Variants in HS6ST3 observed in about 807,000 individuals in gnomAD.
HS6ST3 encodes heparan-sulfate 6-O-sulfotransferase 3.
HS6ST3 carries 12 observed loss-of-function variants against 36.7 expected under a neutral mutation model. The observed-to-expected ratio is 0.33, with a 90% CI of 0.21 to 0.53. The LOEUF (loss-of-function observed/expected upper bound fraction) is 0.53, where lower values mean the gene tolerates loss of function less well. HS6ST3 is among the 20% of genes least tolerant of loss of function. HS6ST3 has a pLI of 0.95. For missense variants in HS6ST3, 584 were observed against 640.9 expected (o/e 0.91, Z 0.96); for synonymous variants, 240 against 257.5 (o/e 0.93, Z 0.65).
chr13:96,325,045 AG>A (rs2055023730), intron 1 of HS6ST3, among the ~76,000 whole-genome samples: 1 of 152,190 alleles, frequency 6.6e-6, no homozygotes, highest in Non-Finnish European at 1.5e-5. Context: ...ATCTAGAAAA[AG>A]TTTCCACCTA....
chr13:96,524,086 G>A (rs936594012), intron 1 of HS6ST3, among the ~76,000 whole-genome samples: 1 of 152,162 alleles, frequency 6.6e-6, no homozygotes, highest in Non-Finnish European at 1.5e-5. Context: ...ATTCCTTTCT[G>A]TTTGTTAGTT....
At chr13:96,795,466 C>G (rs1297884021) in intron 1 of HS6ST3, among the ~76,000 whole-genome samples, 1 of 152,032 alleles carries the variant, frequency 6.6e-6, no homozygotes, top group African/African-American at 2.4e-5. Flanking sequence ...CCATGTAGCT[C>G]ATCAGTGGCG....
intron 1 of HS6ST3, among the ~76,000 whole-genome samples, chr13:96,642,923 C>T (rs1231847531): frequency 6.6e-6 from 1 of 151,790 alleles, no homozygotes; most frequent in Non-Finnish European, 1.5e-5. Context: ...CTATTGATTG[C>T]TTTTTTCCCC....
At chr13:96,482,989 A>T (rs2138899281) in intron 1 of HS6ST3, among the ~76,000 whole-genome samples, 1 of 152,326 alleles carries the variant, frequency 6.6e-6, no homozygotes, top group Admixed American at 6.5e-5. Flanking sequence ...AGTGGTGTTT[A>T]TTGAGTACTT....
At chr13:96,410,687 T>C (rs1299940528) in intron 1 of HS6ST3, among the ~76,000 whole-genome samples, 2 of 152,192 alleles carry the variant, frequency 1.3e-5, no homozygotes, top group Admixed American at 1.3e-4. Context: ...TAACCATATT[T>C]AAATATAGTA....
At chr13:96,622,604 A>G (rs1454488457) in intron 1 of HS6ST3, among the ~76,000 whole-genome samples, 1 of 52,488 alleles carries the variant, frequency 1.9e-5, no homozygotes, top group East Asian at 5.1e-4. Context: ...ACAGCTTTTA[A>G]AACAATTACT....
intron 1 of HS6ST3, among the ~76,000 whole-genome samples, chr13:96,776,414 A>G (rs998587638): frequency 2.0e-5 from 3 of 152,190 alleles, no homozygotes; most frequent in African/African-American, 7.2e-5. Flanking sequence ...TGGTTTTTTG[A>G]AAAGATTAAC....
intron 1 of HS6ST3, among the ~76,000 whole-genome samples, chr13:96,683,818 C>G (rs1874687823): frequency 6.6e-6 from 1 of 151,972 alleles, no homozygotes; most frequent in African/African-American, 2.4e-5. Context: ...GTTTAATAAA[C>G]TTTGTGTTAA....
intron 1 of HS6ST3, among the ~76,000 whole-genome samples, chr13:96,682,007 G>T (rs1225360361): frequency 6.6e-6 from 1 of 152,070 alleles, no homozygotes; most frequent in Non-Finnish European, 1.5e-5. Context: ...TGGCTATATT[G>T]CTGCTGGAAG....
chr13:96,091,223 C>T lies in HS6ST3; in HGVS notation c.361C>T (p.Pro121Ser), dbSNP rs769443893. The change falls in exon 1 of 2, where the codon CCC becomes TCC. Residue 121 changes from proline (P) to serine (S), a missense_variant. By Grantham distance (74) the Pro-to-Ser change is moderately conservative. Around this residue, in one of 3 missense-constraint regions of HS6ST3, gnomAD observed 217 missense variants for 205.4 expected, o/e 1.06. Coordinates refer to ENST00000376705, the MANE Select transcript of HS6ST3 (RefSeq NM_153456.4). Reference sequence around the variant, plus strand: ...CGAGGCCCCGGAAAACGGCTCCCTGCCCCGATTCGTGCCGCGCTTCAACTT... The same window carrying T: ...CGAGGCCCCGGAAAACGGCTCCCTGTCCCGATTCGTGCCGCGCTTCAACTT... ...DPEAPENGSL[P>S]RFVPRFNFSL... 1.9e-6 allele frequency: 3 copies of T among 1,579,688 alleles called. No individual in the cohort carries two copies. The highest frequency in any genetic ancestry group is 2.6e-6 in the Non-Finnish European group (3 of 1,162,366).
At chr13:96,497,600 C>G (rs1329993989) in intron 1 of HS6ST3, among the ~76,000 whole-genome samples, 2 of 152,154 alleles carry the variant, frequency 1.3e-5, no homozygotes, top group African/African-American at 2.4e-5. Context: ...CTAATTCATT[C>G]ACCACAAGGC....
intron 1 of HS6ST3, among the ~76,000 whole-genome samples, chr13:96,728,338 G>A (rs1876056761): frequency 6.6e-6 from 1 of 152,136 alleles, no homozygotes; most frequent in Admixed American, 6.6e-5. Context: ...AGACTCATAT[G>A]TAGAATTCAG....
intron 1 of HS6ST3, among the ~76,000 whole-genome samples, chr13:96,291,134 A>G (rs184436431): frequency 2.6e-5 from 4 of 152,310 alleles, no homozygotes; most frequent in Admixed American, 2.0e-4. Flanking sequence ...CTAATATAAC[A>G]TACTGTGTAT....
chr13:96,166,672 A>G (rs11619967), intron 1 of HS6ST3, among the ~76,000 whole-genome samples: 3,843 of 146,106 alleles, frequency 0.026, 60 homozygotes, highest in East Asian at 0.056. Context: ...TTGGCCTCCC[A>G]AAGTGCTGGG....
chr13:96,784,632 A>C (rs1203405999), intron 1 of HS6ST3, among the ~76,000 whole-genome samples: 1 of 152,208 alleles, frequency 6.6e-6, no homozygotes, highest in Non-Finnish European at 1.5e-5. Flanking sequence ...AATGCATTTT[A>C]TGGCTCTTAT....
At chr13:96,242,328 G>T (rs1459619487) in intron 1 of HS6ST3, among the ~76,000 whole-genome samples, 2 of 151,386 alleles carry the variant, frequency 1.3e-5, no homozygotes, top group Non-Finnish European at 2.9e-5. Flanking sequence ...GGGTCCAGGT[G>T]ATCCTCCTGC....
At chr13:96,692,392 G>T (rs1157747616) in intron 1 of HS6ST3, among the ~76,000 whole-genome samples, 6 of 152,064 alleles carry the variant, frequency 3.9e-5, no homozygotes, top group Non-Finnish European at 7.4e-5. Flanking sequence ...CAAGAAAAAA[G>T]TCTGTGCATG....
At chr13:96,426,312 G>A (rs1566357810) in intron 1 of HS6ST3, among the ~76,000 whole-genome samples, 1 of 152,072 alleles carries the variant, frequency 6.6e-6, no homozygotes, top group African/African-American at 2.4e-5. Flanking sequence ...TAATTAGGAG[G>A]AAGCATCAAA....
Position 96,833,225 on chromosome 13 carries a change from G to C in HS6ST3, c.*27G>C, listed in dbSNP as rs368666736. ...CTCCTGCCCTCTCCTCTCTCAGGAG[G>C]GGGAGGGTGAGCAGGCACATTGACT... On this transcript the variant is annotated 3_prime_UTR_variant, in exon 2 of 2. Coordinates refer to ENST00000376705, the MANE Select transcript of HS6ST3 (RefSeq NM_153456.4). 2.7e-6 allele frequency: 4 copies of C among 1,466,394 alleles called. No individual in the cohort carries two copies. Among genetic ancestry groups the C allele is most frequent in the Non-Finnish European group, 2.7e-6 (3 of 1,107,642 alleles). 90.8% of individuals were successfully genotyped at this position (1,466,394 alleles called of 1,614,324 possible). A position where few individuals can be genotyped will look rare whatever the true frequency, so the allele number is the denominator to read the frequency against.
Sources: gnomAD v4.1 joint callset for allele counts (sites outside exome capture counted in the v4.1 genomes callset) on GRCh38, gnomAD v4.1.1 for gene constraint, gnomAD v4.1.1 regional missense constraint, MANE v1.5 for transcripts, NCBI Gene and HGNC (gene_info 2026-07-23, HGNC 2026-07-21) for gene names.